Variants in ACTR10 observed in about 807,000 individuals in gnomAD.
The protein encoded by ACTR10 is actin-related protein 10.
In ACTR10, 43 loss-of-function variants were observed where a neutral mutation model predicts 56.2. The ratio of observed to expected loss-of-function variants is 0.77; its 90% CI spans 0.60 to 0.99. The LOEUF is 0.99. Among genes scored for constraint, ACTR10 ranks in the 50% least tolerant of loss-of-function variants. The probability of loss-of-function intolerance (pLI) is 0.00; values close to 1 mark genes in which losing one functional copy is unlikely to be tolerated. For missense variants in ACTR10, 466 were observed against 507.8 expected (o/e 0.92, Z 0.79); for synonymous variants, 170 against 176.3 (o/e 0.96, Z 0.28).
chr14:58,227,338 C>T (rs746415441), intron 10 of ACTR10, among the ~76,000 whole-genome samples: 40 of 152,088 alleles, frequency 2.6e-4, no homozygotes, highest in Non-Finnish European at 5.1e-4. Context: ...TGACACCAGC[C>T]TGGCCAACAT....
At position 58,232,153 on chromosome 14, in the gene ACTR10, C is replaced by T; in HGVS notation, c.958C>T (p.Leu320Phe). ...GTTGCCAGGATTTCTCCACAGATTG[C>T]TTGCAGAAATAAGGTATTTGGTAGA... ...SMLPGFLHRL[L>F]AEIRYLVEKP... is the part of the protein sequence containing the mutation. Residue 320 changes from leucine (L) to phenylalanine (F), a missense_variant, in exon 12 of 13, where the codon CTT becomes TTT. Transcript: ENST00000254286. 1 of 1,613,734 alleles carries T rather than the reference C, an allele frequency of 6.2e-7. No individual in the cohort carries two copies. Among genetic ancestry groups the T allele is most frequent in the East Asian group, 2.2e-5 (1 of 44,854 alleles).
chr14:58,229,678 A>C (rs79566793), intron 10 of ACTR10, among the ~76,000 whole-genome samples: 3 of 64,800 alleles, frequency 4.6e-5, no homozygotes, highest in African/African-American at 1.2e-4. Flanking sequence ...ACTCTGTATC[A>C]AAAAAAAAAA....
chr14:58,210,465 C>T (rs911357625), intron 4 of ACTR10, among the ~76,000 whole-genome samples: 3 of 151,940 alleles, frequency 2.0e-5, no homozygotes, highest in African/African-American at 7.2e-5. Context: ...CACTGCAATC[C>T]AGCCTGGGCA....
At position 58,209,126 on chromosome 14, in the gene ACTR10, A is replaced by G. The variant is rs751563170; in HGVS notation, c.342+19A>G. The stretch of plus-strand genomic sequence containing the variant: ...TTTTGAGGTACCTGTCTTTATATCA[A>G]ATAAGTAAATTGCTTTTGAAATAAA... On this transcript the variant is annotated intron_variant, in intron 4 of 12. Coordinates refer to ENST00000254286, the MANE Select transcript of ACTR10 (RefSeq NM_018477.3). 3 of 1,441,902 alleles carry G rather than the reference A, an allele frequency of 2.1e-6. No individual in the cohort carries two copies. The highest frequency in any genetic ancestry group is 2.9e-6 in the Non-Finnish European group (3 of 1,048,054). 89.3% of individuals were successfully genotyped at this position (1,441,902 alleles called of 1,614,324 possible). A position where few individuals can be genotyped will look rare whatever the true frequency, so the allele number is the denominator to read the frequency against.
intron 10 of ACTR10, among the ~76,000 whole-genome samples, chr14:58,229,985 T>TG (rs1168808160): frequency 2.6e-5 from 4 of 152,024 alleles, no homozygotes; most frequent in African/African-American, 9.7e-5. Context: ...AACAAAGAAA[T>TG]GGGGGGTGAT....
intron 12 of ACTR10, among the ~76,000 whole-genome samples, chr14:58,233,259 T>C (rs1481586702): frequency 6.6e-6 from 1 of 152,142 alleles, no homozygotes; most frequent in Non-Finnish European, 1.5e-5. Flanking sequence ...ATGAGTATAT[T>C]TGTGACTGAG....
At chr14:58,214,823 G>A (rs1052544619) in intron 6 of ACTR10, among the ~76,000 whole-genome samples, 6 of 149,954 alleles carry the variant, frequency 4.0e-5, no homozygotes, top group South Asian at 2.1e-4. Flanking sequence ...CATAATAATC[G>A]GGCTGGGTGT....
chr14:58,220,584 T>C (rs1950176536), intron 8 of ACTR10, among the ~76,000 whole-genome samples: 1 of 152,248 alleles, frequency 6.6e-6, no homozygotes, highest in South Asian at 2.1e-4. Flanking sequence ...CTTCCATTTC[T>C]ATCCTCCGTG....
At chr14:58,223,490 A>G in intron 8 of ACTR10, 132 bp from the exon 9 acceptor site, 1 of 768,738 alleles carries the variant, frequency 1.3e-6, no homozygotes, top group East Asian at 2.7e-5. Context: ...AGATGGGAAT[A>G]GAGTTTATAA....
intron 12 of ACTR10, 34 bp downstream of exon 12, chr14:58,232,301 A>G (rs775377860): frequency 2.6e-6 from 4 of 1,550,966 alleles, no homozygotes; most frequent in South Asian, 2.3e-5. Flanking sequence ...TAATGATTAT[A>G]TAGTATTTGG....
At position 58,208,990 on chromosome 14, in the gene ACTR10, A is replaced by G. The variant is rs1888931523; in HGVS notation, c.234-9A>G. 6.3e-7 allele frequency: 1 copy of G among 1,589,418 alleles called. No individual in the cohort carries two copies. The highest frequency in any genetic ancestry group is 8.6e-7 in the Non-Finnish European group (1 of 1,167,272). On this transcript the variant is annotated splice_polypyrimidine_tract_variant and intron_variant, in intron 3 of 12. Coordinates refer to ENST00000254286, the MANE Select transcript of ACTR10 (RefSeq NM_018477.3). Reference sequence around the variant, plus strand: ...TTTTACTTTTAAAACCAAAACTTTCACTTTTCAGGCATCTATTGGTGAATC... The same window carrying G: ...TTTTACTTTTAAAACCAAAACTTTCGCTTTTCAGGCATCTATTGGTGAATC...
chr14:58,217,667 A>G (rs1289193627), intron 7 of ACTR10, among the ~76,000 whole-genome samples: 1 of 144,136 alleles, frequency 6.9e-6, no homozygotes. Context: ...CTCCGTCTCA[A>G]AAAAAAAAAA....
intron 6 of ACTR10, among the ~76,000 whole-genome samples, chr14:58,214,679 T>G (rs184841778): frequency 7.3e-5 from 11 of 151,354 alleles, no homozygotes; most frequent in Admixed American, 5.9e-4. Context: ...TTAGTAGAGA[T>G]AGAGTTTTGC....
chr14:58,211,864 C>T (rs1034056896), intron 5 of ACTR10, among the ~76,000 whole-genome samples: 3 of 151,186 alleles, frequency 2.0e-5, no homozygotes, highest in African/African-American at 4.9e-5. Flanking sequence ...GGCGTGAACC[C>T]GGGAGGCGGA....
At chr14:58,232,019 T>G in intron 11 of ACTR10, 47 bp from the exon 12 acceptor site, 2 of 1,287,870 alleles carry the variant, frequency 1.6e-6, no homozygotes, top group Non-Finnish European at 2.2e-6. Context: ...TCAAGCATTA[T>G]TTGTACAGTT....
chr14:58,219,716 A>C lies in ACTR10; in HGVS notation c.621A>C (p.Leu207Phe). The change falls in exon 8 of 13, where the codon TTA becomes TTC. Residue 207 changes from leucine to phenylalanine, a missense_variant. Transcript: ENST00000254286. ...TAGGTTCAGTTCCGGAAGGTGTCTT[A>C]GAGGACATTAAAGGTAAACTAAGTT... Reference protein sequence around the residue: ...SVMGSVPEGVLEDIKARTCFV... With the variant: ...SVMGSVPEGVFEDIKARTCFV... The C allele has an allele frequency of 6.5e-7, 1 of 1,531,164 alleles. No individual in the cohort carries two copies. Among genetic ancestry groups the C allele is most frequent in the Non-Finnish European group, 8.8e-7 (1 of 1,139,310 alleles). 94.8% of individuals were successfully genotyped at this position (1,531,164 alleles called of 1,614,324 possible). A position where few individuals can be genotyped will look rare whatever the true frequency, so the allele number is the denominator to read the frequency against.
chr14:58,211,431 G>A (rs537081777), intron 5 of ACTR10, 32 bp downstream of exon 5: 6 of 1,465,714 alleles, frequency 4.1e-6, no homozygotes, highest in Admixed American at 3.4e-5. Context: ...CACCTTTGCA[G>A]TTTTTACTCT....
chr14:58,224,088 T>C (rs2140059093), intron 10 of ACTR10, among the ~76,000 whole-genome samples: 1 of 152,068 alleles, frequency 6.6e-6, no homozygotes, highest in Non-Finnish European at 1.5e-5. Flanking sequence ...GTAACCTTCA[T>C]CTCCTAGGTC....
intron 2 of ACTR10, among the ~76,000 whole-genome samples, chr14:58,204,274 C>T (rs1018319711): frequency 4.6e-5 from 7 of 151,756 alleles, no homozygotes; most frequent in African/African-American, 1.7e-4. Context: ...TTCCCAGCTA[C>T]TTGGGAGGCT....
Sources: allele counts gnomAD v4.1 joint callset (sites outside exome capture counted in the v4.1 genomes callset), GRCh38; gene constraint gnomAD v4.1.1; transcripts MANE v1.5; gene names NCBI Gene and HGNC (gene_info 2026-07-23, HGNC 2026-07-21).